PCDH15: variants seen among roughly 807,000 people sequenced by gnomAD.
The protein encoded by PCDH15 is protocadherin related 15.
PCDH15 carries 129 observed loss-of-function variants against 178.5 expected under a neutral mutation model. The ratio of observed to expected loss-of-function variants is 0.72; its 90% CI spans 0.63 to 0.84. The LOEUF is 0.84. PCDH15 is among the 40% of genes least tolerant of loss of function. The pLI is 0.00. For missense variants in PCDH15, 2,230 were observed against 2,099.9 expected (o/e 1.06, Z -1.21); for synonymous variants, 800 against 732.0 (o/e 1.09, Z -1.50).
At chr10:55,310,666 A>G (rs996044613) in intron 1 of PCDH15, among the ~76,000 whole-genome samples, 2 of 152,224 alleles carry the variant, frequency 1.3e-5, no homozygotes, top group Non-Finnish European at 2.9e-5. Context: ...TGTGGCACAT[A>G]TACACCATGG....
At chr10:53,842,090 G>A (rs985567939) in intron 28 of PCDH15, among the ~76,000 whole-genome samples, 9 of 151,924 alleles carry the variant, frequency 5.9e-5, no homozygotes, top group Admixed American at 6.6e-5. Flanking sequence ...AAATAAGAGA[G>A]GCCTCGGAGT....
At chr10:55,228,503 G>A (rs1485826779) in intron 1 of PCDH15, among the ~76,000 whole-genome samples, 3 of 151,954 alleles carry the variant, frequency 2.0e-5, no homozygotes, top group Admixed American at 6.5e-5. Flanking sequence ...TAAAACCAAA[G>A]CCTTTCTCTT....
chr10:55,208,579 A>T (rs565373800), intron 1 of PCDH15, among the ~76,000 whole-genome samples: 48 of 152,136 alleles, frequency 3.2e-4, no homozygotes, highest in Non-Finnish European at 5.1e-4. Context: ...AAAAAGAGGG[A>T]AAAGATATTC....
chr10:54,885,116 G>T (rs1327831861), intron 3 of PCDH15, among the ~76,000 whole-genome samples: 1 of 151,998 alleles, frequency 6.6e-6, no homozygotes, highest in Non-Finnish European at 1.5e-5. Flanking sequence ...TACAATAAAT[G>T]AATGAATGAT....
At position 53,857,218 on chromosome 10, in the gene PCDH15, C is replaced by T. The variant is rs2078809838; in HGVS notation, c.3763G>A (p.Val1255Met). The change falls in exon 28 of 38, where the codon GTG becomes ATG. Residue 1255 changes from valine to methionine, a missense_variant. Coordinates refer to ENST00000644397, the MANE Select transcript of PCDH15 (RefSeq NM_001384140.1). ...QLDMQVIVSNVPPTLVEKKIE... is the reference protein window; with the variant it reads ...QLDMQVIVSNMPPTLVEKKIE... ...TTTTTTTCCACTAGAGTAGGAGGCA[C>T]ATTGGAAACAATGACTTGCATATCC... is the stretch of plus-strand genomic sequence containing the variant. The T allele has an allele frequency of 6.2e-7, 1 of 1,611,736 alleles. No homozygotes were observed. Among genetic ancestry groups the T allele is most frequent in the Non-Finnish European group, 8.5e-7 (1 of 1,178,270 alleles).
At chr10:55,185,717 A>G (rs1839780725) in intron 1 of PCDH15, among the ~76,000 whole-genome samples, 1 of 151,710 alleles carries the variant, frequency 6.6e-6, no homozygotes, top group South Asian at 2.1e-4. Flanking sequence ...GAACACCTTG[A>G]CAGGTTTTCT....
intron 1 of PCDH15, among the ~76,000 whole-genome samples, chr10:55,204,086 T>A (rs1840328113): frequency 6.7e-6 from 1 of 149,672 alleles, no homozygotes; most frequent in South Asian, 2.1e-4. Context: ...TTATATATAG[T>A]GCATTTATTA....
chr10:54,694,485 A>C (rs2095185541), intron 1 of PCDH15, among the ~76,000 whole-genome samples: 2 of 152,158 alleles, frequency 1.3e-5, no homozygotes, highest in Non-Finnish European at 2.9e-5. Context: ...CAATTTTTAC[A>C]AATTGAAGTT....
intron 2 of PCDH15, among the ~76,000 whole-genome samples, chr10:55,450,954 A>AATATATATATATATATATATAT (rs1839421065): frequency 2.4e-5 from 1 of 41,210 alleles, no homozygotes; most frequent in African/African-American, 1.5e-4. Context: ...AGGGGTAAGA[A>AATATATATATATATATATATAT]CTATATATAT....
intron 1 of PCDH15, among the ~76,000 whole-genome samples, chr10:54,716,062 A>G (rs2095476393): frequency 6.6e-6 from 1 of 152,128 alleles, no homozygotes; most frequent in South Asian, 2.1e-4. Context: ...ATTCATGCCT[A>G]GGCACATCTC....
At chr10:53,846,367 AG>A (rs1261759126) in intron 28 of PCDH15, among the ~76,000 whole-genome samples, 1 of 151,898 alleles carries the variant, frequency 6.6e-6, no homozygotes, top group African/African-American at 2.4e-5. Context: ...CTTTAGGAAA[AG>A]TTTTAAAAAC....
intron 3 of PCDH15, among the ~76,000 whole-genome samples, chr10:54,411,187 T>C (rs2135633109): frequency 6.6e-6 from 1 of 150,562 alleles, no homozygotes; most frequent in South Asian, 2.1e-4. Context: ...GAATAGAACA[T>C]TTAACTACAG....
At chr10:55,544,135 CATACATATAT>C (rs71014501) in intron 2 of PCDH15, among the ~76,000 whole-genome samples, 11,138 of 96,082 alleles carry the variant, frequency 0.12, 733 homozygotes, top group Non-Finnish European at 0.15. Flanking sequence ...AAATCTTATA[CATACATATAT>C]ATATATATAT....
chr10:54,074,905 G>A (rs1374327218), intron 17 of PCDH15, among the ~76,000 whole-genome samples: 1 of 151,982 alleles, frequency 6.6e-6, no homozygotes, highest in Non-Finnish European at 1.5e-5. Flanking sequence ...TTTTATAATA[G>A]CGTCTCTACT....
At chr10:55,593,243 G>A (rs1297616845) in intron 2 of PCDH15, among the ~76,000 whole-genome samples, 8 of 151,908 alleles carry the variant, frequency 5.3e-5, no homozygotes, top group Non-Finnish European at 7.4e-5. Context: ...CAAAATGTAT[G>A]CTAACAAGAC....
intron 2 of PCDH15, among the ~76,000 whole-genome samples, chr10:55,359,196 C>CA (rs1029359654): frequency 1.1e-4 from 16 of 140,558 alleles, no homozygotes; most frequent in Non-Finnish European, 1.2e-4. Context: ...GACTGTGTTT[C>CA]AAAAAAAAAA....
chr10:55,135,846 A>C (rs559694607), intron 2 of PCDH15, among the ~76,000 whole-genome samples: 1 of 151,936 alleles, frequency 6.6e-6, no homozygotes, highest in Non-Finnish European at 1.5e-5. Context: ...AGCCTCCCAA[A>C]GTGCTGGGAT....
At chr10:54,775,129 T>C (rs907561324) in intron 1 of PCDH15, among the ~76,000 whole-genome samples, 4 of 152,220 alleles carry the variant, frequency 2.6e-5, no homozygotes, top group Non-Finnish European at 5.9e-5. Context: ...ATAGATTATT[T>C]ACTATTGGAA....
intron 1 of PCDH15, among the ~76,000 whole-genome samples, chr10:55,295,668 C>T (rs1374217915): frequency 3.3e-5 from 5 of 152,140 alleles, no homozygotes; most frequent in African/African-American, 9.7e-5. Context: ...AACTTATCTC[C>T]ATAGAATATT....
Sources: gnomAD v4.1 joint callset for allele counts (sites outside exome capture counted in the v4.1 genomes callset) on GRCh38, gnomAD v4.1.1 for gene constraint, MANE v1.5 for transcripts, NCBI Gene and HGNC (gene_info 2026-07-23, HGNC 2026-07-21) for gene names.